TMEM222: variants seen among roughly 807,000 people sequenced by gnomAD.
TMEM222 encodes transmembrane protein 222.
Under a neutral mutation model 25.1 loss-of-function variants are expected in TMEM222, and 18 were observed. The observed-to-expected ratio is 0.72, with a 90% CI of 0.50 to 1.06. TMEM222 has a LOEUF of 1.06. Ranked by LOEUF, TMEM222 falls within the 50% of genes least tolerant of loss-of-function variation. The pLI is 0.00. For missense variants in TMEM222, 296 were observed against 293.7 expected (o/e 1.01, Z -0.06); for synonymous variants, 131 against 117.9 (o/e 1.11, Z -0.72).
At chr1:27,332,767 C>G in intron 3 of TMEM222, 1 of 525,604 alleles carries the variant, frequency 1.9e-6, no homozygotes, top group Non-Finnish European at 3.4e-6. Flanking sequence ...GGGCTTCCTG[C>G]TGCCCTCTCT....
chr1:27,328,963 T>G (rs1280542296), intron 1 of TMEM222, among the ~76,000 whole-genome samples: 1 of 152,220 alleles, frequency 6.6e-6, no homozygotes, highest in Non-Finnish European at 1.5e-5. Flanking sequence ...ACCCAGGTCC[T>G]GTAGGGCCAT....
At chr1:27,333,325 T>C (rs1466383674) in intron 3 of TMEM222, 1 of 471,150 alleles carries the variant, frequency 2.1e-6, no homozygotes, top group Admixed American at 2.3e-5. Flanking sequence ...CTTCTTTCTA[T>C]GCCTGCCTAA....
Position 27,335,479 on chromosome 1 carries a change from G to A in TMEM222, c.*13G>A, listed in dbSNP as rs751617756. 2.6e-5 allele frequency: 42 copies of A among 1,613,172 alleles called. No individual in the cohort carries two copies. The highest frequency in any genetic ancestry group is 5.3e-5 in the African/African-American group (4 of 74,906). ...TAACCTCCGGTGATGGCTGCTCGGT[G>A]GCCCCACACCCACCAGGGTCCCGAG... On this transcript the variant is annotated 3_prime_UTR_variant, in exon 6 of 6. Transcript: ENST00000374076.
chr1:27,333,120 T>G, intron 3 of TMEM222: 1 of 345,564 alleles, frequency 2.9e-6, no homozygotes, highest in Admixed American at 3.8e-5. Flanking sequence ...TAGGGGAGAG[T>G]GCTTGCTGCT....
At chr1:27,335,138 G>T (rs2014573584) in intron 5 of TMEM222, 4 of 572,686 alleles carry the variant, frequency 7.0e-6, no homozygotes, top group Non-Finnish European at 1.3e-5. Flanking sequence ...CAACCAGCGA[G>T]GTGTCAGTAA....
chr1:27,325,015 A>G (rs572537810), intron 1 of TMEM222, among the ~76,000 whole-genome samples: 1 of 152,272 alleles, frequency 6.6e-6, no homozygotes, highest in African/African-American at 2.4e-5. Flanking sequence ...GTCACCTTCA[A>G]AGGACTCACC....
rs975839704 is a variant in TMEM222 at position 27,322,383 on chromosome 1, G to A, written c.186G>A (p.Pro62=). The change falls in exon 1 of 6, where the codon CCG becomes CCA. Residue 62 remains proline (P), a synonymous_variant. Transcript: ENST00000374076. ...FPYCVVWTPI[P]VLTWFFPIIG... is the part of the protein sequence containing the mutation. ...ACTGCGTGGTGTGGACGCCCATCCC[G>A]GTGCTCACGTGAGTCTCTTCCGGCA... The A allele has an allele frequency of 2.1e-6, 3 of 1,446,560 alleles. No individual in the cohort carries two copies. The highest frequency in any genetic ancestry group is 1.8e-4 in the Middle Eastern group (1 of 5,452). The allele number at this position is 1,446,560 out of a possible 1,614,324, so 89.6% of individuals were successfully genotyped here.
intron 1 of TMEM222, chr1:27,325,672 G>A (rs1035310416): frequency 6.0e-6 from 5 of 828,804 alleles, no homozygotes; most frequent in African/African-American, 5.0e-5. Context: ...CCCCCAGAGT[G>A]CAAGTACTCT....
chr1:27,329,593 C>T (rs2014431319), intron 1 of TMEM222, among the ~76,000 whole-genome samples: 2 of 152,186 alleles, frequency 1.3e-5, no homozygotes, highest in South Asian at 2.1e-4. Flanking sequence ...AACTATACCA[C>T]ACTTATTCAT....
At position 27,335,514 on chromosome 1, in the gene TMEM222, GCCAT is replaced by G; in HGVS notation, c.*51_*54del. The G allele has an allele frequency of 1.3e-6, 2 of 1,588,624 alleles. No individual in the cohort carries two copies. The highest frequency in any genetic ancestry group is 4.5e-5 in the East Asian group (2 of 44,762). On this transcript the variant is annotated 3_prime_UTR_variant, in exon 6 of 6. Transcript: ENST00000374076. ...CCACCAGGGTCCCGAGGAAACAGCCGCCATCCCTTTTGGTTCCAGATTTTTTTCT... is the reference window on the plus strand; with the variant it reads ...CCACCAGGGTCCCGAGGAAACAGCCGCCCTTTTGGTTCCAGATTTTTTTCT...
chr1:27,322,476 C>T (rs528087652), intron 1 of TMEM222, 85 bp downstream of exon 1: 1 of 1,255,504 alleles, frequency 8.0e-7, no homozygotes, highest in Non-Finnish European at 1.0e-6. Flanking sequence ...GGCCCCAACG[C>T]GCAGCAAGCC....
At chr1:27,328,276 G>A (rs2014401016) in intron 1 of TMEM222, among the ~76,000 whole-genome samples, 1 of 152,166 alleles carries the variant, frequency 6.6e-6, no homozygotes, top group Non-Finnish European at 1.5e-5. Flanking sequence ...GAAAGCATGG[G>A]GTGGGAGGAT....
In TMEM222 at chr1:27,335,539, T is replaced by C; in HGVS notation, c.*73T>C. The C allele has an allele frequency of 2.7e-6, 4 of 1,498,008 alleles. No homozygotes were observed. The highest frequency in any genetic ancestry group is 3.7e-6 in the Non-Finnish European group (4 of 1,080,702). The allele number at this position is 1,498,008 out of a possible 1,614,324, so 92.8% of individuals were successfully genotyped here. On this transcript the variant is annotated 3_prime_UTR_variant, in exon 6 of 6. Coordinates refer to ENST00000374076, the MANE Select transcript of TMEM222 (RefSeq NM_032125.3). Reference sequence around the variant, plus strand: ...GCCATCCCTTTTGGTTCCAGATTTTTTTCTCCTCACCCCAAAAGGCAGGGT... The same window carrying C: ...GCCATCCCTTTTGGTTCCAGATTTTCTTCTCCTCACCCCAAAAGGCAGGGT...
chr1:27,328,186 T>C (rs1310301019), intron 1 of TMEM222, among the ~76,000 whole-genome samples: 1 of 152,164 alleles, frequency 6.6e-6, no homozygotes, highest in Non-Finnish European at 1.5e-5. Flanking sequence ...ACAGTGAGGC[T>C]GAGGCCTAAT....
At chr1:27,324,324 C>CA (rs920416182) in intron 1 of TMEM222, among the ~76,000 whole-genome samples, 20 of 150,718 alleles carry the variant, frequency 1.3e-4, no homozygotes, top group African/African-American at 2.7e-4. Flanking sequence ...AACTCCGTTT[C>CA]AAAAAAAAAG....
rs181680808 is a variant in TMEM222 at position 27,330,829 on chromosome 1, G to A, written c.279+25G>A. 3.1e-6 allele frequency: 5 copies of A among 1,613,238 alleles called. No individual in the cohort carries two copies. The African/African-American group carries it at 5.3e-5, about 17-fold the overall frequency. ...AGTGAGTCCCCATTCTGCCCACCCG[G>A]GGGGTTCCAAGGTTTAAGTGGAAGG... On this transcript the variant is annotated intron_variant, in intron 2 of 5. Transcript: ENST00000374076.
At chr1:27,328,731 G>C (rs1247843626) in intron 1 of TMEM222, among the ~76,000 whole-genome samples, 1 of 152,216 alleles carries the variant, frequency 6.6e-6, no homozygotes, top group Non-Finnish European at 1.5e-5. Context: ...TCTGCCTGTT[G>C]ATGTTGTGTC....
chr1:27,323,508 G>A (rs192324611), intron 1 of TMEM222, among the ~76,000 whole-genome samples: 46 of 152,338 alleles, frequency 3.0e-4, no homozygotes, highest in Admixed American at 8.5e-4. Context: ...GGACAGGCGC[G>A]GTGGCTCATG....
chr1:27,322,277 C>G lies in TMEM222; in HGVS notation c.80C>G (p.Pro27Arg). The change falls in exon 1 of 6, where the codon CCG becomes CGG. Residue 27 changes from proline (P) to arginine (R), a missense_variant. Pro to Arg is a moderately radical substitution (Grantham distance 103). Coordinates refer to ENST00000374076, the MANE Select transcript of TMEM222 (RefSeq NM_032125.3). ...CCCAGGATGGCGGAAGTGGAGGCGCCGACGGCGGCCGAGACGGACATGAAG... is the reference window on the plus strand; with the variant it reads ...CCCAGGATGGCGGAAGTGGAGGCGCGGACGGCGGCCGAGACGGACATGAAG... ...PPPRMAEVEA[P>R]TAAETDMKQY... The G allele has an allele frequency of 6.5e-7, 1 of 1,546,038 alleles. No homozygotes were observed. The highest frequency in any genetic ancestry group is 8.7e-7 in the Non-Finnish European group (1 of 1,143,600).
Sources: gnomAD v4.1 joint callset for allele counts (sites outside exome capture counted in the v4.1 genomes callset) on GRCh38, gnomAD v4.1.1 for gene constraint, MANE v1.5 for transcripts, NCBI Gene and HGNC (gene_info 2026-07-23, HGNC 2026-07-21) for gene names.